The following PTPRD variants were observed in gnomAD, a reference collection of about 807,000 sequenced individuals.
PTPRD encodes protein tyrosine phosphatase receptor type D, also known as receptor-type tyrosine-protein phosphatase delta.
PTPRD carries 34 observed loss-of-function variants against 214.5 expected under a neutral mutation model. The observed-to-expected ratio is 0.16, with a 90% CI of 0.12 to 0.21. PTPRD has a LOEUF of 0.21. Ranked by LOEUF, PTPRD falls within the 10% of genes least tolerant of loss-of-function variation. The probability of loss-of-function intolerance (pLI) is 1.00; values close to 1 mark genes in which losing one functional copy is unlikely to be tolerated. For synonymous variants in PTPRD, 1,128 were observed against 845.7 expected, an observed-to-expected ratio of 1.33 and a Z score of -5.79; for missense variants, 2,545 against 2,398.7, an observed-to-expected ratio of 1.06 and a Z score of -1.27.
chr9:8,857,300 C>T (rs1312446759), intron 11 of PTPRD, among the ~76,000 whole-genome samples: 2 of 152,172 alleles, frequency 1.3e-5, no homozygotes, highest in Non-Finnish European at 2.9e-5. Flanking sequence ...ATTGCCCCAC[C>T]GCTCCACCAT....
At chr9:9,863,344 A>T (rs904547857) in intron 5 of PTPRD, among the ~76,000 whole-genome samples, 13 of 152,186 alleles carry the variant, frequency 8.5e-5, no homozygotes, top group Admixed American at 2.0e-4. Context: ...GAATGAATCT[A>T]AGTTTTCTAG....
At chr9:10,477,660 T>C (rs942579047) in intron 2 of PTPRD, among the ~76,000 whole-genome samples, 6 of 152,166 alleles carry the variant, frequency 3.9e-5, no homozygotes, top group Admixed American at 3.9e-4. Context: ...TAAATCATTC[T>C]ACTCTAAAAA....
At chr9:9,839,528 A>G (rs1316306636) in intron 5 of PTPRD, among the ~76,000 whole-genome samples, 2 of 152,194 alleles carry the variant, frequency 1.3e-5, no homozygotes, top group East Asian at 3.9e-4. Flanking sequence ...GAGAACTACA[A>G]ACCACTGCTC....
chr9:10,266,985 T>A (rs1205657954), intron 3 of PTPRD, among the ~76,000 whole-genome samples: 1 of 151,922 alleles, frequency 6.6e-6, no homozygotes, highest in Admixed American at 6.6e-5. Context: ...GGTCAGGAGT[T>A]CGAGACCAGC....
chr9:10,569,900 T>C lies in PTPRD; in HGVS notation c.-600+42498A>G, dbSNP rs117343251. 3.0e-4 allele frequency among the ~76,000 whole-genome samples: 46 copies of C among 152,206 alleles called. No homozygotes were observed. The East Asian group carries it at 5.2e-3, about 17-fold the overall frequency. On this transcript the variant is annotated intron_variant, in intron 2 of 45. Transcript: ENST00000381196. Reference sequence around the variant, plus strand: ...TAAATACTGCAAAGTGACACAGTAGTTCTAGTGTTACTCATTAGATATACT... The same window carrying C: ...TAAATACTGCAAAGTGACACAGTAGCTCTAGTGTTACTCATTAGATATACT...
intron 2 of PTPRD, among the ~76,000 whole-genome samples, chr9:10,417,616 TATAA>T (rs1293693971): frequency 3.3e-5 from 5 of 151,832 alleles, no homozygotes; most frequent in South Asian, 4.1e-4. Context: ...TAATAACATA[TATAA>T]ATAAATATAG....
chr9:10,184,119 G>A (rs1444529472), intron 3 of PTPRD, among the ~76,000 whole-genome samples: 1 of 152,104 alleles, frequency 6.6e-6, no homozygotes, highest in Admixed American at 6.5e-5. Context: ...ATGATGCACT[G>A]GTTTCAATAA....
intron 10 of PTPRD, among the ~76,000 whole-genome samples, chr9:9,055,534 C>T (rs1430745489): frequency 6.6e-6 from 1 of 151,942 alleles, no homozygotes; most frequent in Non-Finnish European, 1.5e-5. Flanking sequence ...CAACTTGGCA[C>T]ATAAAATTAG....
intron 2 of PTPRD, among the ~76,000 whole-genome samples, chr9:10,548,811 G>A (rs1212942973): frequency 1.3e-5 from 2 of 152,138 alleles, no homozygotes; most frequent in Non-Finnish European, 2.9e-5. Context: ...AAAGGTTTCA[G>A]CATAATTATA....
chr9:10,217,100 A>G (rs1490699624), intron 3 of PTPRD, among the ~76,000 whole-genome samples: 2 of 151,918 alleles, frequency 1.3e-5, no homozygotes, highest in Admixed American at 6.6e-5. Context: ...CCTTATTTCA[A>G]TTAAGTGCTC....
intron 8 of PTPRD, among the ~76,000 whole-genome samples, chr9:9,428,053 C>A (rs566112872): frequency 1.4e-4 from 22 of 152,094 alleles, no homozygotes; most frequent in Non-Finnish European, 2.9e-4. Flanking sequence ...ATCAAATTCA[C>A]CCATAACAAT....
intron 10 of PTPRD, among the ~76,000 whole-genome samples, chr9:9,150,392 A>G (rs895402262): frequency 6.7e-6 from 1 of 149,710 alleles, no homozygotes; most frequent in African/African-American, 2.4e-5. Context: ...TGGAGCTTTC[A>G]TCATCTAATT....
At chr9:9,958,961 C>T (rs2094154802) in intron 4 of PTPRD, among the ~76,000 whole-genome samples, 1 of 152,234 alleles carries the variant, frequency 6.6e-6, no homozygotes, top group Non-Finnish European at 1.5e-5. Flanking sequence ...TAAAACTACA[C>T]ATAGTCTTAC....
At chr9:9,743,299 A>G (rs759606782) in intron 6 of PTPRD, among the ~76,000 whole-genome samples, 1 of 152,172 alleles carries the variant, frequency 6.6e-6, no homozygotes, top group Non-Finnish European at 1.5e-5. Flanking sequence ...TGGAACCAAA[A>G]TGTCAAGAGT....
At chr9:9,037,443 A>G (rs1309305710) in intron 10 of PTPRD, among the ~76,000 whole-genome samples, 8 of 152,150 alleles carry the variant, frequency 5.3e-5, no homozygotes, top group Admixed American at 3.3e-4. Context: ...TCCAGGGTGA[A>G]CTTTTCAGCA....
chr9:10,340,231 C>T (rs1176494993), intron 3 of PTPRD, among the ~76,000 whole-genome samples: 1 of 151,852 alleles, frequency 6.6e-6, no homozygotes, highest in Non-Finnish European at 1.5e-5. Flanking sequence ...TGTTTTTCCC[C>T]ATGTTTACAA....
At chr9:10,037,198 T>A (rs920871931) in intron 3 of PTPRD, among the ~76,000 whole-genome samples, 4 of 152,092 alleles carry the variant, frequency 2.6e-5, no homozygotes, top group African/African-American at 9.7e-5. Flanking sequence ...ATATTTAAAA[T>A]AGAAAACCGA....
At chr9:8,528,106 A>C in intron 15 of PTPRD, 1 of 243,978 alleles carries the variant, frequency 4.1e-6, no homozygotes, top group East Asian at 7.6e-5. Flanking sequence ...GATGAGTTCA[A>C]ATGTAGAAAA....
Position 8,316,517 on chromosome 9 carries a change from TAC to T in PTPRD, c.*1355_*1356del, listed in dbSNP as rs1821892125. ...ATACTATAGACAATATACGATTGAA[TAC>T]ACTTTTTTTAAACAACTCGATAGCT... On this transcript the variant is annotated 3_prime_UTR_variant, in exon 46 of 46. Transcript: ENST00000381196. The T allele has an allele frequency of 4.3e-6, 1 of 230,450 alleles. No individual in the cohort carries two copies. Among genetic ancestry groups the T allele is most frequent in the Non-Finnish European group, 8.6e-6 (1 of 116,226 alleles). The allele number at this position is 230,450 out of a possible 1,614,324, so 14.3% of individuals were successfully genotyped here. A position where few individuals can be genotyped will look rare whatever the true frequency, so the allele number is the denominator to read the frequency against.
Sources: allele counts gnomAD v4.1 joint callset (sites outside exome capture counted in the v4.1 genomes callset), GRCh38; gene constraint gnomAD v4.1.1; transcripts MANE v1.5; gene names NCBI Gene and HGNC (gene_info 2026-07-23, HGNC 2026-07-21).